LRMDA: variants seen among roughly 807,000 people sequenced by gnomAD.
LRMDA encodes the protein leucine-rich melanocyte differentiation-associated protein.
Under a neutral mutation model 29.8 loss-of-function variants are expected in LRMDA, and 18 were observed. The ratio of observed to expected loss-of-function variants is 0.60; its 90% CI spans 0.42 to 0.90. LRMDA has a LOEUF of 0.90. Ranked by LOEUF, LRMDA falls within the 40% of genes least tolerant of loss-of-function variation. The pLI, the probability that LRMDA is intolerant of heterozygous loss-of-function variation, is 0.00. For synonymous variants in LRMDA, 125 were observed against 109.4 expected, an observed-to-expected ratio of 1.14 and a Z score of -0.89; for missense variants, 273 against 273.9, an observed-to-expected ratio of 1.00 and a Z score of 0.02.
chr10:76,505,894 T>G (rs2132347036), intron 6 of LRMDA, among the ~76,000 whole-genome samples: 1 of 152,294 alleles, frequency 6.6e-6, no homozygotes, highest in African/African-American at 2.4e-5. Context: ...GGACTGGTGT[T>G]TCTTTAGCTG....
chr10:76,406,504 A>G (rs1462761133), intron 6 of LRMDA, among the ~76,000 whole-genome samples: 1 of 152,226 alleles, frequency 6.6e-6, no homozygotes, highest in Non-Finnish European at 1.5e-5. Context: ...TCTATGTTCT[A>G]AAGACAAATG....
At chr10:75,853,433 GGTGTGT>G (rs3042495) in intron 2 of LRMDA, among the ~76,000 whole-genome samples, 3,944 of 147,550 alleles carry the variant, frequency 0.027, 149 homozygotes, top group African/African-American at 0.088. Context: ...AAAGAAGAGG[GGTGTGT>G]GTGTGTGTGT....
At chr10:75,588,101 A>G (rs888440209) in intron 2 of LRMDA, among the ~76,000 whole-genome samples, 1 of 152,176 alleles carries the variant, frequency 6.6e-6, no homozygotes, top group East Asian at 1.9e-4. Context: ...GATAATCTCA[A>G]GGGGGCACCA....
chr10:76,409,135 A>G (rs1297103248), intron 6 of LRMDA, among the ~76,000 whole-genome samples: 1 of 152,178 alleles, frequency 6.6e-6, no homozygotes, highest in African/African-American at 2.4e-5. Flanking sequence ...TCATTCATTC[A>G]TTCTGTCTCT....
At chr10:76,052,313 G>T (rs188507769) in intron 4 of LRMDA, among the ~76,000 whole-genome samples, 1 of 152,332 alleles carries the variant, frequency 6.6e-6, no homozygotes, top group African/African-American at 2.4e-5. Flanking sequence ...TTGGAAACTT[G>T]GTACTTCTTG....
chr10:76,264,744 T>C (rs941053525), intron 5 of LRMDA, among the ~76,000 whole-genome samples: 1 of 152,162 alleles, frequency 6.6e-6, no homozygotes, highest in Non-Finnish European at 1.5e-5. Context: ...TCAGGCACCT[T>C]TGTGAAAGGA....
At chr10:76,235,630 T>C (rs1002179653) in intron 5 of LRMDA, among the ~76,000 whole-genome samples, 3 of 152,132 alleles carry the variant, frequency 2.0e-5, no homozygotes, top group Non-Finnish European at 4.4e-5. Context: ...TCTTGTGATA[T>C]AGATAATTGT....
chr10:76,234,330 CG>C (rs1852112335), intron 5 of LRMDA, among the ~76,000 whole-genome samples: 1 of 152,114 alleles, frequency 6.6e-6, no homozygotes, highest in Non-Finnish European at 1.5e-5. Flanking sequence ...ATGCTGTGAA[CG>C]GATGTGCTGT....
intron 2 of LRMDA, among the ~76,000 whole-genome samples, chr10:75,619,162 A>G (rs1047216376): frequency 6.6e-6 from 1 of 152,084 alleles, no homozygotes; most frequent in Non-Finnish European, 1.5e-5. Context: ...TCATCTTCAC[A>G]TTGAGTAGGC....
chr10:75,758,772 G>T (rs777860243), intron 2 of LRMDA, among the ~76,000 whole-genome samples: 1 of 152,152 alleles, frequency 6.6e-6, no homozygotes, highest in Non-Finnish European at 1.5e-5. Flanking sequence ...TTCGTGTGGG[G>T]ATTTTTGCCT....
At chr10:76,227,992 G>A (rs1363238770) in intron 5 of LRMDA, among the ~76,000 whole-genome samples, 2 of 151,702 alleles carry the variant, frequency 1.3e-5, no homozygotes, top group African/African-American at 2.4e-5. Flanking sequence ...GGACTGTGGA[G>A]GGCATGGAAG....
intron 6 of LRMDA, among the ~76,000 whole-genome samples, chr10:76,550,863 T>C (rs1337290696): frequency 6.6e-6 from 1 of 152,190 alleles, no homozygotes; most frequent in African/African-American, 2.4e-5. Flanking sequence ...AGTATTTAAG[T>C]AGCTTACACT....
At chr10:76,251,543 C>T (rs12412198) in intron 5 of LRMDA, among the ~76,000 whole-genome samples, 2 of 151,530 alleles carry the variant, frequency 1.3e-5, no homozygotes, top group East Asian at 3.9e-4. Flanking sequence ...TGAGCCACCG[C>T]GCCCGGCCCT....
At chr10:76,185,870 T>C (rs1358797251) in intron 5 of LRMDA, among the ~76,000 whole-genome samples, 1 of 152,214 alleles carries the variant, frequency 6.6e-6, no homozygotes, top group Non-Finnish European at 1.5e-5. Context: ...GGGATCTCTA[T>C]GAGTTTCACT....
At chr10:76,064,548 C>T (rs903896963) in intron 5 of LRMDA, among the ~76,000 whole-genome samples, 1 of 152,226 alleles carries the variant, frequency 6.6e-6, no homozygotes, top group African/African-American at 2.4e-5. Flanking sequence ...CTTTGCTACA[C>T]TTAATTGTTT....
At chr10:76,113,631 C>T (rs1849616734) in intron 5 of LRMDA, among the ~76,000 whole-genome samples, 1 of 152,114 alleles carries the variant, frequency 6.6e-6, no homozygotes, top group Non-Finnish European at 1.5e-5. Context: ...GCAGAAAGGG[C>T]AGTGCTTCTA....
intron 2 of LRMDA, among the ~76,000 whole-genome samples, chr10:75,690,698 C>T (rs1842133818): frequency 6.6e-6 from 1 of 151,814 alleles, no homozygotes; most frequent in Non-Finnish European, 1.5e-5. Flanking sequence ...TGGCTCATGC[C>T]TGTGGTCCCA....
intron 2 of LRMDA, among the ~76,000 whole-genome samples, chr10:75,725,039 C>T (rs933615896): frequency 2.6e-5 from 4 of 152,164 alleles, no homozygotes; most frequent in Non-Finnish European, 4.4e-5. Context: ...TTTGGAAAAT[C>T]GTTATTCATA....
chr10:75,639,129 C>T (rs976391213), intron 2 of LRMDA, among the ~76,000 whole-genome samples: 13 of 152,106 alleles, frequency 8.5e-5, no homozygotes, highest in Non-Finnish European at 1.9e-4. Flanking sequence ...TAGAGAAAAC[C>T]ATGAGAGTAC....
Sources: allele counts gnomAD v4.1 joint callset (sites outside exome capture counted in the v4.1 genomes callset), GRCh38; gene constraint gnomAD v4.1.1; transcripts MANE v1.5; gene names NCBI Gene and HGNC (gene_info 2026-07-23, HGNC 2026-07-21).